The following SPATA6 variants were observed in gnomAD, a reference collection of about 807,000 sequenced individuals.
SPATA6 encodes spermatogenesis-associated protein 6.
SPATA6 carries 56 observed loss-of-function variants against 65.3 expected under a neutral mutation model. The ratio of observed to expected loss-of-function variants is 0.86; its 90% CI spans 0.69 to 1.07. The LOEUF is 1.07. Among genes scored for constraint, SPATA6 ranks in the 50% least tolerant of loss-of-function variants. The pLI is 0.00. For missense variants in SPATA6, 590 were observed against 594.8 expected (o/e 0.99, Z 0.08); for synonymous variants, 199 against 213.2 (o/e 0.93, Z 0.58).
intron 12 of SPATA6, among the ~76,000 whole-genome samples, chr1:48,300,123 T>C (rs1271353967): frequency 1.3e-5 from 2 of 152,134 alleles, no homozygotes; most frequent in Non-Finnish European, 1.5e-5. Context: ...GTGATGAAGA[T>C]AGAAAAGAAA....
chr1:48,275,802 G>A, the SPATA6 span, among the ~76,000 whole-genome samples: 2 of 152,012 alleles, frequency 1.3e-5, no homozygotes, highest in South Asian at 2.1e-4. Flanking sequence ...TTCTTTTTTT[G>A]TTGTGCCTCT....
Position 48,436,286 on chromosome 1 carries a change from C to T in SPATA6, c.238+15266G>A, listed in dbSNP as rs531451067. 3.4e-5 allele frequency: 55 copies of T among 1,613,702 alleles called. No homozygotes were observed. The South Asian group carries it at 5.3e-4, about 15-fold the overall frequency. ...GAACGCCTGAAAGCTTTACAGAAAG[C>T]CGTGATTCTATCCCACTTTTTCCGG... On this transcript the variant is annotated intron_variant, in intron 3 of 12. Coordinates refer to ENST00000371847, the MANE Select transcript of SPATA6 (RefSeq NM_019073.4).
At chr1:48,287,414 T>C in the SPATA6 span, among the ~76,000 whole-genome samples, 3 of 152,220 alleles carry the variant, frequency 2.0e-5, no homozygotes, top group Admixed American at 1.3e-4. Context: ...TATTATGTTT[T>C]CATGTTTGTC....
At chr1:48,471,895 C>T in intron 1 of SPATA6, 63 bp downstream of exon 1, 4 of 1,584,400 alleles carry the variant, frequency 2.5e-6, no homozygotes, top group South Asian at 1.1e-5. Flanking sequence ...TCCGGGCTCT[C>T]GGAGGTGACT....
chr1:48,419,622 A>C (rs1557688103), intron 3 of SPATA6, among the ~76,000 whole-genome samples: 1 of 152,198 alleles, frequency 6.6e-6, no homozygotes, highest in Non-Finnish European at 1.5e-5. Flanking sequence ...TCATCCTGTA[A>C]GACTGGGCAA....
chr1:48,270,258 G>A, the SPATA6 span, among the ~76,000 whole-genome samples: 31 of 151,986 alleles, frequency 2.0e-4, no homozygotes, highest in African/African-American at 6.3e-4. Flanking sequence ...ATACACTTCC[G>A]CCAATTTCTT....
At chr1:48,454,502 C>T (rs1570629196) in intron 1 of SPATA6, among the ~76,000 whole-genome samples, 1 of 152,108 alleles carries the variant, frequency 6.6e-6, no homozygotes, top group African/African-American at 2.4e-5. Context: ...CTAATTCAAA[C>T]ATTTATTATG....
chr1:48,412,152 G>A (rs893672029), intron 4 of SPATA6, among the ~76,000 whole-genome samples: 16 of 152,062 alleles, frequency 1.1e-4, no homozygotes, highest in African/African-American at 1.9e-4. Context: ...GAGCCACCGC[G>A]CCCAGCCAGC....
chr1:48,338,366 T>C (rs1646118303), intron 11 of SPATA6, among the ~76,000 whole-genome samples: 1 of 152,028 alleles, frequency 6.6e-6, no homozygotes, highest in South Asian at 2.1e-4. Flanking sequence ...ATTGTATTTG[T>C]TGACTTATGA....
chr1:48,316,951 G>C (rs1185409350), intron 11 of SPATA6, among the ~76,000 whole-genome samples: 1 of 152,194 alleles, frequency 6.6e-6, no homozygotes, highest in East Asian at 1.9e-4. Flanking sequence ...CTGGCCATCA[G>C]AGAAATGCAA....
At chr1:48,403,157 G>A (rs940488551) in intron 6 of SPATA6, among the ~76,000 whole-genome samples, 1 of 152,012 alleles carries the variant, frequency 6.6e-6, no homozygotes, top group Non-Finnish European at 1.5e-5. Flanking sequence ...GTGAGGCCCT[G>A]TCTCAAAAAT....
intron 11 of SPATA6, among the ~76,000 whole-genome samples, chr1:48,323,476 G>C (rs578231802): frequency 1.8e-4 from 27 of 152,170 alleles, no homozygotes; most frequent in South Asian, 6.2e-4. Flanking sequence ...TAAATGATGA[G>C]TTGATGGGTG....
rs781218635 is a variant in SPATA6 at position 48,453,024 on chromosome 1, CA to C, written c.158del (p.Leu53ArgfsTer17). 1.2e-6 allele frequency: 2 copies of C among 1,613,456 alleles called. No individual in the cohort carries two copies. Among genetic ancestry groups the C allele is most frequent in the Admixed American group, 1.7e-5 (1 of 59,912 alleles). ...CAAACACCATTCTGGCATTGAAGACCAGGGGAAAAGTGGCTGGGACACATTG... is the reference window on the plus strand; with the variant it reads ...CAAACACCATTCTGGCATTGAAGACCGGGGAAAAGTGGCTGGGACACATTG... The part of the protein sequence containing the change: ...KTQCVPATFP[L>X]VFNARMVFEK... On this transcript the variant is annotated frameshift_variant, in exon 2 of 13. Coordinates refer to ENST00000371847, the MANE Select transcript of SPATA6 (RefSeq NM_019073.4). LOFTEE classifies it high-confidence loss of function.
At chr1:48,300,193 T>C (rs1181195223) in intron 12 of SPATA6, among the ~76,000 whole-genome samples, 1 of 152,240 alleles carries the variant, frequency 6.6e-6, no homozygotes, top group Non-Finnish European at 1.5e-5. Flanking sequence ...ATAATTTTAC[T>C]AACATAAATT....
chr1:48,330,044 C>A (rs1225710266), intron 11 of SPATA6, among the ~76,000 whole-genome samples: 1 of 152,216 alleles, frequency 6.6e-6, no homozygotes, highest in African/African-American at 2.4e-5. Flanking sequence ...AGGCTGCAGT[C>A]AGCTACGGTG....
Position 48,297,934 on chromosome 1 carries a change from A to C in SPATA6, c.*779T>G, listed in dbSNP as rs1405567809. 1 of 151,990 alleles carries C rather than the reference A, an allele frequency of 6.6e-6. No homozygotes were observed. The highest frequency in any genetic ancestry group is 1.5e-5 in the Non-Finnish European group (1 of 68,000). The allele number at this position is 151,990 out of a possible 1,614,324, so 9.4% of individuals were successfully genotyped here. On this transcript the variant is annotated 3_prime_UTR_variant, in exon 13 of 13. Coordinates refer to ENST00000371847, the MANE Select transcript of SPATA6 (RefSeq NM_019073.4). ...CAAATTACAATATAATTCCATTATT[A>C]TTTTTAGGTTTCTATAAGCTTACTA...
chr1:48,272,600 AG>A, the SPATA6 span, among the ~76,000 whole-genome samples: 11 of 152,274 alleles, frequency 7.2e-5, no homozygotes, highest in African/African-American at 2.6e-4. Context: ...GTGGACACTT[AG>A]GTTGATTCCA....
At chr1:48,354,638 C>A (rs1017395380) in intron 11 of SPATA6, among the ~76,000 whole-genome samples, 8 of 151,908 alleles carry the variant, frequency 5.3e-5, no homozygotes, top group East Asian at 1.9e-4. Flanking sequence ...AATTGAAAAA[C>A]CAAAAAGAAA....
intron 3 of SPATA6, among the ~76,000 whole-genome samples, chr1:48,432,174 C>A (rs1239570619): frequency 1.3e-5 from 2 of 151,874 alleles, no homozygotes; most frequent in Non-Finnish European, 2.9e-5. Context: ...AATTTAAGGA[C>A]CTAGAAAAGC....
Sources: gnomAD v4.1 joint callset for allele counts (sites outside exome capture counted in the v4.1 genomes callset) on GRCh38, gnomAD v4.1.1 for gene constraint, MANE v1.5 for transcripts, NCBI Gene and HGNC (gene_info 2026-07-23, HGNC 2026-07-21) for gene names.